Variants in TOM1L1 observed in about 807,000 individuals in gnomAD.
TOM1L1 encodes the protein target of myb1 like 1 membrane trafficking protein.
In TOM1L1, 64 loss-of-function variants were observed where a neutral mutation model predicts 63.4. That is an observed-to-expected ratio of 1.01 (90% confidence interval 0.83 to 1.24). TOM1L1 has a LOEUF of 1.24. Ranked by LOEUF, TOM1L1 falls within the 50% of genes most tolerant of loss-of-function variation. The pLI is 0.00. For missense variants in TOM1L1, 536 were observed against 567.0 expected, an observed-to-expected ratio of 0.95 and a Z score of 0.55; for synonymous variants, 166 against 194.4, an observed-to-expected ratio of 0.85 and a Z score of 1.22.
chr17:54,940,610 T>C (rs1266571093), intron 11 of TOM1L1, among the ~76,000 whole-genome samples: 1 of 152,208 alleles, frequency 6.6e-6, no homozygotes, highest in Non-Finnish European at 1.5e-5. Flanking sequence ...TAAACATCTG[T>C]ACAACATATT....
intron 7 of TOM1L1, among the ~76,000 whole-genome samples, chr17:54,921,810 GCACTGACCC>G (rs1317115658): frequency 6.6e-6 from 1 of 152,138 alleles, no homozygotes; most frequent in Non-Finnish European, 1.5e-5. Context: ...GCAGTTATGA[GCACTGACCC>G]CACAGTGTAG....
intron 7 of TOM1L1, among the ~76,000 whole-genome samples, chr17:54,919,597 CT>C (rs767849919): frequency 5.8e-4 from 88 of 152,236 alleles, no homozygotes; most frequent in Non-Finnish European, 9.4e-4. Context: ...TGTGTTTTGC[CT>C]TGAATAGTAA....
intron 2 of TOM1L1, 45 bp from the exon 3 acceptor site, chr17:54,905,444 T>C (rs2143730291): frequency 7.6e-7 from 1 of 1,319,388 alleles, no homozygotes; most frequent in East Asian, 2.3e-5. Flanking sequence ...CTGCTTGTTT[T>C]CAGCAATGCC....
At chr17:54,933,712 G>A (rs779816667) in intron 8 of TOM1L1, among the ~76,000 whole-genome samples, 70 of 152,204 alleles carry the variant, frequency 4.6e-4, no homozygotes, top group Non-Finnish European at 6.5e-4. Context: ...TAGTAGAGAC[G>A]GGGTTTCACT....
chr17:54,925,628 A>G (rs577194869), intron 7 of TOM1L1, among the ~76,000 whole-genome samples: 1 of 152,324 alleles, frequency 6.6e-6, no homozygotes, highest in Admixed American at 6.5e-5. Context: ...CTGAGGCCAG[A>G]TGCGATGGAG....
chr17:54,955,598 G>T (rs2049459415), intron 14 of TOM1L1, among the ~76,000 whole-genome samples: 1 of 152,164 alleles, frequency 6.6e-6, no homozygotes, highest in African/African-American at 2.4e-5. Context: ...GAGCCCTACA[G>T]TTATACCACG....
chr17:54,933,330 C>T (rs1355173246), intron 8 of TOM1L1, among the ~76,000 whole-genome samples: 1 of 152,216 alleles, frequency 6.6e-6, no homozygotes, highest in Non-Finnish European at 1.5e-5. Context: ...TTTATGACTA[C>T]ATTGGGTTCA....
intron 8 of TOM1L1, among the ~76,000 whole-genome samples, chr17:54,931,946 T>G (rs2048865444): frequency 1.5e-5 from 1 of 68,414 alleles, no homozygotes. Flanking sequence ...TTCTTTTTTC[T>G]TCGTTTTTTT....
intron 15 of TOM1L1, 34 bp from the exon 16 acceptor site, chr17:54,961,201 A>T: frequency 5.9e-6 from 8 of 1,346,544 alleles, no homozygotes; most frequent in Non-Finnish European, 5.2e-6. Context: ...GAAGGACAGG[A>T]TGAATACTGG....
intron 8 of TOM1L1, among the ~76,000 whole-genome samples, chr17:54,931,978 T>A (rs2048869533): frequency 6.6e-6 from 1 of 150,890 alleles, no homozygotes; most frequent in Non-Finnish European, 1.5e-5. Context: ...GTTTGTTTGT[T>A]TTTTTGAGAT....
At chr17:54,955,210 G>A (rs995081797) in intron 14 of TOM1L1, 3 of 152,186 alleles carry the variant, frequency 2.0e-5, no homozygotes, top group African/African-American at 7.2e-5. Context: ...GGGAAGCTGA[G>A]AGGATAACAG....
At chr17:54,959,779 G>GATA (rs1567851683) in intron 14 of TOM1L1, among the ~76,000 whole-genome samples, 1 of 151,956 alleles carries the variant, frequency 6.6e-6, no homozygotes, top group Non-Finnish European at 1.5e-5. Context: ...CACCACACAT[G>GATA]ATAATTTTTA....
At chr17:54,955,337 G>C (rs990936407) in intron 14 of TOM1L1, among the ~76,000 whole-genome samples, 5 of 152,172 alleles carry the variant, frequency 3.3e-5, no homozygotes, top group Non-Finnish European at 7.3e-5. Context: ...AATCAATCAA[G>C]TGAGTGAGGT....
At chr17:54,920,873 C>T (rs2048672493) in intron 7 of TOM1L1, among the ~76,000 whole-genome samples, 1 of 152,186 alleles carries the variant, frequency 6.6e-6, no homozygotes, top group Non-Finnish European at 1.5e-5. Context: ...GCAGCCTCAT[C>T]CCTAGAGAGG....
In TOM1L1 at chr17:54,949,628, A is replaced by G. The variant is rs751276766; in HGVS notation, c.1288+5A>G. The G allele has an allele frequency of 6.2e-7, 1 of 1,603,050 alleles. No individual in the cohort carries two copies. Among genetic ancestry groups the G allele is most frequent in the Admixed American group, 1.7e-5 (1 of 59,998 alleles). ...CTTTGCCCAGCAATCATCCAGGTAC[A>G]TGGGACCTTATTATTCGCATCAAAT... On this transcript the variant is annotated splice_donor_5th_base_variant and intron_variant, in intron 13 of 15. Coordinates refer to ENST00000575882, the MANE Select transcript of TOM1L1 (RefSeq NM_005486.3).
intron 14 of TOM1L1, among the ~76,000 whole-genome samples, chr17:54,951,574 C>A (rs1436459469): frequency 2.0e-5 from 3 of 152,200 alleles, no homozygotes; most frequent in South Asian, 4.1e-4. Context: ...ACACACCCAA[C>A]ATTATAACAA....
At chr17:54,929,531 A>T (rs1444285526) in intron 7 of TOM1L1, among the ~76,000 whole-genome samples, 3 of 152,224 alleles carry the variant, frequency 2.0e-5, no homozygotes, top group Non-Finnish European at 2.9e-5. Context: ...AGTACAACGT[A>T]ACAGGAAATA....
Position 54,905,499 on chromosome 17 carries a change from G to T in TOM1L1, c.154G>T (p.Ala52Ser), listed in dbSNP as rs938714075. Residue 52 changes from alanine to serine, a missense_variant, in exon 3 of 16, where the codon GCA becomes TCA. Physicochemically the swap from Ala to Ser is moderately conservative, Grantham distance 99. Coordinates refer to ENST00000575882, the MANE Select transcript of TOM1L1 (RefSeq NM_005486.3). ...INTTQDGPKD[A>S]VKALKKRISK... ...TATTTATTGCTATAGGCCAAAAGAT[G>T]CAGTGAAAGCTTTGAAGAAAAGGAT... is the stretch of plus-strand genomic sequence containing the variant. 2.5e-6 allele frequency: 4 copies of T among 1,611,014 alleles called. No homozygotes were observed. Among genetic ancestry groups the T allele is most frequent in the Non-Finnish European group, 3.4e-6 (4 of 1,178,392 alleles).
At chr17:54,935,027 G>A (rs2143884265) in intron 8 of TOM1L1, among the ~76,000 whole-genome samples, 1 of 152,148 alleles carries the variant, frequency 6.6e-6, no homozygotes, top group Non-Finnish European at 1.5e-5. Context: ...TGAACTAGGT[G>A]GAATTTAAAA....
Sources: allele counts gnomAD v4.1 joint callset (sites outside exome capture counted in the v4.1 genomes callset), GRCh38; gene constraint gnomAD v4.1.1; transcripts MANE v1.5; gene names NCBI Gene and HGNC (gene_info 2026-07-23, HGNC 2026-07-21).